ZC3H12D: variants seen among roughly 807,000 people sequenced by gnomAD.
ZC3H12D encodes the protein zinc finger CCCH-type containing 12D, also known as probable ribonuclease ZC3H12D.
In ZC3H12D, 11 loss-of-function variants were observed where a neutral mutation model predicts 24.2. The ratio of observed to expected loss-of-function variants is 0.46; its 90% CI spans 0.29 to 0.75. ZC3H12D has a LOEUF of 0.75. Among genes scored for constraint, ZC3H12D ranks in the 30% least tolerant of loss-of-function variants. The pLI is 0.11. For synonymous variants in ZC3H12D, 333 were observed against 341.8 expected (o/e 0.97, Z 0.28); for missense variants, 740 against 767.7 (o/e 0.96, Z 0.43).
intron 2 of ZC3H12D, among the ~76,000 whole-genome samples, chr6:149,462,795 G>A (rs190747896): frequency 1.3e-5 from 2 of 152,314 alleles, no homozygotes; most frequent in Admixed American, 1.3e-4. Context: ...TTGAACATCA[G>A]ACTCCAAGTT....
At position 149,451,241 on chromosome 6, in the gene ZC3H12D, C is replaced by T; in HGVS notation, c.1026G>A (p.Leu342=). Residue 342 remains leucine (L), a synonymous_variant, in exon 6 of 6, where the codon CTG becomes CTA. Coordinates refer to ENST00000409806, the MANE Select transcript of ZC3H12D (RefSeq NM_207360.3). ...PARGSPDLAA[L]RGSFSRLAFS... is the part of the protein sequence containing the mutation. Reference sequence around the variant, plus strand: ...AGGCCAGCCGAGAGAAGCTCCCTCGCAGGGCGGCCAGGTCCGGGGACCCCC... The same window carrying T: ...AGGCCAGCCGAGAGAAGCTCCCTCGTAGGGCGGCCAGGTCCGGGGACCCCC... 1.5e-6 allele frequency: 2 copies of T among 1,299,730 alleles called. No individual in the cohort carries two copies. Among genetic ancestry groups the T allele is most frequent in the Non-Finnish European group, 1.9e-6 (2 of 1,030,472 alleles). 80.5% of individuals were successfully genotyped at this position (1,299,730 alleles called of 1,614,324 possible).
At chr6:149,483,948 T>TGCCTCTGG (rs1216334612) in intron 1 of ZC3H12D, among the ~76,000 whole-genome samples, 1 of 152,230 alleles carries the variant, frequency 6.6e-6, no homozygotes, top group East Asian at 1.9e-4. Flanking sequence ...GGGTTGCCTC[T>TGCCTCTGG]GCCTCTGGGC....
chr6:149,459,772 G>T, intron 3 of ZC3H12D: 1 of 712,020 alleles, frequency 1.4e-6, no homozygotes. Flanking sequence ...TCTGCCATTG[G>T]AATAAGTGGT....
chr6:149,483,921 C>G (rs1235310323), intron 1 of ZC3H12D, among the ~76,000 whole-genome samples: 1 of 152,216 alleles, frequency 6.6e-6, no homozygotes, highest in Non-Finnish European at 1.5e-5. Flanking sequence ...TATCTATTCA[C>G]CCTTCAGTGG....
chr6:149,450,911 C>A lies in ZC3H12D; in HGVS notation c.1356G>T (p.Trp452Cys). ...CGCCGTCGCCCCAGGCCGGCTCCGC[C>A]CAGACGGAGCGCCCAGGGAAGCGGT... ...RSDRFPGRSV[W>C]AEPAWGDGAT... Residue 452 changes from tryptophan (W) to cysteine (C), a missense_variant, in exon 6 of 6, where the codon TGG (tryptophan) becomes TGT (cysteine). Trp to Cys is a radical substitution (Grantham distance 215, BLOSUM62 -2). Transcript: ENST00000409806. 1 of 1,540,008 alleles carries A rather than the reference C, an allele frequency of 6.5e-7. No individual in the cohort carries two copies. Among genetic ancestry groups the A allele is most frequent in the Non-Finnish European group, 8.7e-7 (1 of 1,145,994 alleles).
intron 1 of ZC3H12D, among the ~76,000 whole-genome samples, chr6:149,478,509 AT>A (rs1394154403): frequency 6.6e-6 from 1 of 152,128 alleles, no homozygotes; most frequent in African/African-American, 2.4e-5. Context: ...CTTAGTTTTC[AT>A]TTCTAATAAA....
At chr6:149,469,851 C>T (rs1398997796) in intron 2 of ZC3H12D, among the ~76,000 whole-genome samples, 2 of 152,152 alleles carry the variant, frequency 1.3e-5, no homozygotes, top group East Asian at 1.9e-4. Context: ...AAGTCCAGGG[C>T]TTGTCAACTG....
intron 3 of ZC3H12D, among the ~76,000 whole-genome samples, chr6:149,458,111 C>CTCGTTTCTTTTTTTTTTTTTTTTTTT (rs1246641761): frequency 1.2e-5 from 1 of 80,238 alleles, no homozygotes; most frequent in African/African-American, 4.6e-5. Context: ...CTTTCTTTTT[C>CTCGTTTCTTTTTTTTTTTTTTTTTTT]TTTTTTTTTT....
chr6:149,466,438 G>A (rs990237949), intron 2 of ZC3H12D, among the ~76,000 whole-genome samples: 1 of 151,766 alleles, frequency 6.6e-6, no homozygotes, highest in Non-Finnish European at 1.5e-5. Flanking sequence ...AATGAGGTCC[G>A]TTTTCTGTGT....
chr6:149,480,048 G>A (rs1002055188), intron 1 of ZC3H12D, among the ~76,000 whole-genome samples: 1 of 151,656 alleles, frequency 6.6e-6, no homozygotes, highest in Non-Finnish European at 1.5e-5. Context: ...CCTCCCCTTC[G>A]CACTCACACC....
chr6:149,451,104 G>C lies in ZC3H12D; in HGVS notation c.1163C>G (p.Pro388Arg), dbSNP rs978377607. 6 of 1,363,754 alleles carry C rather than the reference G, an allele frequency of 4.4e-6. No individual in the cohort carries two copies. The highest frequency in any genetic ancestry group is 3.9e-5 in the Admixed American group (1 of 25,792). 84.5% of individuals were successfully genotyped at this position (1,363,754 alleles called of 1,614,324 possible). The change falls in exon 6 of 6, where the codon CCG becomes CGG. Residue 388 changes from proline (P) to arginine (R), a missense_variant. Pro to Arg is a moderately radical substitution (Grantham distance 103). Transcript: ENST00000409806. ...GCTCTCCGGGCTAGGGAGGCTGAGC[G>C]GGCCTGGCACCCGGCCGCCCGCGGA... is the stretch of plus-strand genomic sequence containing the variant. The part of the protein sequence containing the change: ...WVSAGGRVPG[P>R]LSLPSPESQF...
rs1422644944 is a variant in ZC3H12D, at chr6:149,456,922, C to CG, written c.446-23dup. 1 of 1,586,564 alleles carries CG rather than the reference C, an allele frequency of 6.3e-7. No individual in the cohort carries two copies. Among genetic ancestry groups the CG allele is most frequent in the Non-Finnish European group, 8.5e-7 (1 of 1,169,980 alleles). On this transcript the variant is annotated intron_variant, in intron 3 of 5. Transcript: ENST00000409806. This position sits in a 1 kb window ranked among gnomAD's most constrained non-coding sequence, Gnocchi z 4.3. ...TGCTCTGAGGGCGGGGCGACGGAGA[C>CG]GCGGGTGAGGGCCCAAGGGCACCGC...
intron 2 of ZC3H12D, 113 bp from the exon 3 acceptor site, chr6:149,462,083 T>C (rs1776083058): frequency 1.5e-6 from 2 of 1,370,150 alleles, no homozygotes; most frequent in African/African-American, 2.9e-5. Context: ...CAGGAAAATC[T>C]ATGTTTTAGG....
intron 2 of ZC3H12D, among the ~76,000 whole-genome samples, chr6:149,469,770 G>T (rs765831892): frequency 6.6e-5 from 10 of 152,150 alleles, no homozygotes; most frequent in Non-Finnish European, 1.0e-4. Flanking sequence ...CACCCTGAGG[G>T]CATCCTGGGC....
rs1488349283 is a variant in ZC3H12D, at chr6:149,474,276, G to T, written c.268C>A (p.Arg90=). ...TTGCTGCCATCAATCACTATGGGTCGCAGAGAACTGGCCAGGGTTCTGAAG... is the reference window on the plus strand; with the variant it reads ...TTGCTGCCATCAATCACTATGGGTCTCAGAGAACTGGCCAGGGTTCTGAAG... ...EDFRTLASSL[R]PIVIDGSNVA... The change falls in exon 2 of 6, where the codon CGA becomes AGA. Residue 90 remains arginine, a synonymous_variant. Coordinates refer to ENST00000409806, the MANE Select transcript of ZC3H12D (RefSeq NM_207360.3). The T allele has an allele frequency of 2.0e-6, 3 of 1,520,400 alleles. No homozygotes were observed. The highest frequency in any genetic ancestry group is 2.1e-5 in the Admixed American group (1 of 47,528). The allele number at this position is 1,520,400 out of a possible 1,614,324, so 94.2% of individuals were successfully genotyped here.
In ZC3H12D at chr6:149,450,537, G is replaced by A; in HGVS notation, c.*146C>T. 1.1e-6 allele frequency: 1 copy of A among 881,278 alleles called. No individual in the cohort carries two copies. Among genetic ancestry groups the A allele is most frequent in the East Asian group, 2.9e-5 (1 of 34,954 alleles). 54.6% of individuals were successfully genotyped at this position (881,278 alleles called of 1,614,324 possible). On this transcript the variant is annotated 3_prime_UTR_variant, in exon 6 of 6. Coordinates refer to ENST00000409806, the MANE Select transcript of ZC3H12D (RefSeq NM_207360.3). ...ACCAGGCCCCCACAACCCCGCTCAG[G>A]AGGAGGAAGCAGGCTTCCCTGACCA...
intron 2 of ZC3H12D, among the ~76,000 whole-genome samples, chr6:149,466,411 T>C (rs1228077789): frequency 2.6e-5 from 4 of 151,742 alleles, no homozygotes; most frequent in African/African-American, 9.7e-5. Flanking sequence ...GGGGAAGATA[T>C]CGTGCCTGTC....
Position 149,463,068 on chromosome 6 carries a change from G to A in ZC3H12D, c.306-1098C>T, listed in dbSNP as rs577677863. ...CCCTTCAGAGAATCCTGACTAATAC[G>A]GCTCCAAGAATACATTCTGAGGACT... On this transcript the variant is annotated intron_variant, in intron 2 of 5. Transcript: ENST00000409806. Among the ~76,000 whole-genome samples, 30 of 152,196 alleles carry A rather than the reference G, an allele frequency of 2.0e-4. No individual in the cohort carries two copies. In the South Asian group the frequency reaches 2.7e-3, roughly 14 times the overall value.
At chr6:149,467,011 T>G (rs2115008456) in intron 2 of ZC3H12D, among the ~76,000 whole-genome samples, 1 of 152,348 alleles carries the variant, frequency 6.6e-6, no homozygotes, top group Non-Finnish European at 1.5e-5. Context: ...AAGCCATCTC[T>G]GACACCTTTG....
Sources: allele counts gnomAD v4.1 joint callset (sites outside exome capture counted in the v4.1 genomes callset), GRCh38; gene constraint gnomAD v4.1.1; non-coding constraint Gnocchi (gnomAD v3.1); transcripts MANE v1.5; gene names NCBI Gene and HGNC (gene_info 2026-07-23, HGNC 2026-07-21).